The following DCBLD2 variants were observed in gnomAD, a reference collection of about 807,000 sequenced individuals.
DCBLD2 encodes the protein discoidin, CUB and LCCL domain containing 2.
In DCBLD2, 54 loss-of-function variants were observed where a neutral mutation model predicts 86.8. The ratio of observed to expected loss-of-function variants is 0.62; its 90% CI spans 0.50 to 0.78. DCBLD2 has a LOEUF of 0.78. DCBLD2 is among the 30% of genes least tolerant of loss of function. The probability of loss-of-function intolerance (pLI) is 0.00; values close to 1 mark genes in which losing one functional copy is unlikely to be tolerated. For missense variants in DCBLD2, 908 were observed against 954.2 expected (o/e 0.95, Z 0.64); for synonymous variants, 354 against 341.3 (o/e 1.04, Z -0.41).
chr3:98,868,738 A>G (rs1164045272), intron 2 of DCBLD2, among the ~76,000 whole-genome samples: 1 of 152,190 alleles, frequency 6.6e-6, no homozygotes, highest in East Asian at 1.9e-4. Flanking sequence ...TTTACTTAGG[A>G]TAATGATCCC....
chr3:98,800,631 A>C lies in DCBLD2; in HGVS notation c.1806T>G (p.Val602=), dbSNP rs1287442343. 6.2e-7 allele frequency: 1 copy of C among 1,613,864 alleles called. No homozygotes were observed. Among genetic ancestry groups the C allele is most frequent in the Non-Finnish European group, 8.5e-7 (1 of 1,179,882 alleles). The part of the protein sequence containing the change: ...ETPVRYSSSE[V]NHLSPREVTT... ...TGACTTCTCTTGGACTCAGGTGATT[A>C]ACTTCGCTGCTGCTATAGCGAACTG... Residue 602 remains valine, a synonymous_variant, in exon 15 of 16, where the codon GTT becomes GTG. Transcript: ENST00000326840.
chr3:98,805,463 T>C (rs1941819745), intron 13 of DCBLD2, among the ~76,000 whole-genome samples: 1 of 152,234 alleles, frequency 6.6e-6, no homozygotes, highest in Non-Finnish European at 1.5e-5. Flanking sequence ...TAGGTTGTAC[T>C]ATAAAGGATT....
At chr3:98,838,741 C>T (rs1942539771) in intron 3 of DCBLD2, among the ~76,000 whole-genome samples, 2 of 152,250 alleles carry the variant, frequency 1.3e-5, no homozygotes, top group South Asian at 4.2e-4. Flanking sequence ...CGCCACTGCA[C>T]TCCAGCCTGG....
At chr3:98,802,610 T>G (rs929482590) in intron 13 of DCBLD2, among the ~76,000 whole-genome samples, 7 of 152,230 alleles carry the variant, frequency 4.6e-5, no homozygotes, top group Non-Finnish European at 8.8e-5. Flanking sequence ...TTTGGTGTTT[T>G]AGACATGAAG....
intron 2 of DCBLD2, among the ~76,000 whole-genome samples, chr3:98,855,900 A>T (rs1292996586): frequency 6.6e-6 from 1 of 152,210 alleles, no homozygotes; most frequent in East Asian, 1.9e-4. Context: ...CTATTTCTTA[A>T]TAAAACATCT....
intron 9 of DCBLD2, chr3:98,816,069 C>T (rs1942017318): frequency 6.7e-6 from 1 of 150,160 alleles, no homozygotes; most frequent in African/African-American, 2.4e-5. Flanking sequence ...TATAAAAAAG[C>T]CACATCAATC....
chr3:98,820,405 T>C, intron 6 of DCBLD2, 117 bp from the exon 7 acceptor site: 1 of 685,864 alleles, frequency 1.5e-6, no homozygotes, highest in Non-Finnish European at 2.2e-6. Flanking sequence ...CCAAGAAGAC[T>C]GTGTGGCTAA....
chr3:98,822,718 A>C lies in DCBLD2; in HGVS notation c.647T>G (p.Leu216Arg). The change falls in exon 5 of 16, where the codon CTG (leucine) becomes CGG (arginine). Residue 216 changes from leucine to arginine, a missense_variant. By Grantham distance (102) the Leu-to-Arg change is moderately radical (BLOSUM62 -2). Around this residue, in one of 3 missense-constraint regions of DCBLD2, gnomAD observed 8 missense variants for 19.8 expected, o/e 0.40. Coordinates refer to ENST00000326840, the MANE Select transcript of DCBLD2 (RefSeq NM_080927.4). ...EFSKYCPAGC[L>R]LPFAEISGTI... is the part of the protein sequence containing the mutation. ...TCCAGATATCTCAGCAAAAGGAAGC[A>C]GACAACCAGCTGGGCAGTACTTACT... 1 of 1,598,698 alleles carries C rather than the reference A, an allele frequency of 6.3e-7. No individual in the cohort carries two copies. The highest frequency in any genetic ancestry group is 1.1e-5 in the South Asian group (1 of 87,802).
intron 7 of DCBLD2, 108 bp downstream of exon 7, chr3:98,820,140 A>T: frequency 1.6e-6 from 1 of 621,788 alleles, no homozygotes; most frequent in Non-Finnish European, 2.4e-6. Flanking sequence ...TAGTGTTATT[A>T]AGACAACTAC....
rs34472032 is a variant in DCBLD2 at position 98,808,167 on chromosome 3, C to G, written c.1584G>C (p.Ala528=). The change falls in exon 13 of 16, where the codon GCG becomes GCC. Residue 528 remains alanine (A), a synonymous_variant. Coordinates refer to ENST00000326840, the MANE Select transcript of DCBLD2 (RefSeq NM_080927.4). ...TVTPNVTKDV[A]LAAVLVPVLV... ...GCACAGGGACAAGAACTGCAGCCAG[C>G]GCTACATCTGAAGTTACAAAGACAA... 2 of 1,596,708 alleles carry G rather than the reference C, an allele frequency of 1.3e-6. No homozygotes were observed. Among genetic ancestry groups the G allele is most frequent in the Non-Finnish European group, 1.7e-6 (2 of 1,171,980 alleles).
intron 2 of DCBLD2, among the ~76,000 whole-genome samples, chr3:98,863,204 G>A (rs1943078192): frequency 6.6e-6 from 1 of 152,032 alleles, no homozygotes; most frequent in East Asian, 1.9e-4. Flanking sequence ...ACAAACCACT[G>A]CTCAACAAAA....
chr3:98,861,534 C>A (rs1428623162), intron 2 of DCBLD2, among the ~76,000 whole-genome samples: 2 of 152,210 alleles, frequency 1.3e-5, no homozygotes, highest in Non-Finnish European at 2.9e-5. Flanking sequence ...GTCTCTCAGA[C>A]CACAGTGCAA....
At chr3:98,815,337 G>A (rs1044128922) in intron 9 of DCBLD2, 1 of 152,190 alleles carries the variant, frequency 6.6e-6, no homozygotes, top group African/African-American at 2.4e-5. Context: ...GAACAGTATT[G>A]TCTCAGTGGG....
intron 3 of DCBLD2, among the ~76,000 whole-genome samples, chr3:98,834,118 A>C (rs1401983454): frequency 3.0e-5 from 4 of 132,546 alleles, no homozygotes; most frequent in African/African-American, 1.1e-4. Flanking sequence ...GCTTTTTTCC[A>C]TTCTCTGTGA....
rs751697832 is a variant in DCBLD2 at position 98,796,577 on chromosome 3, G to A, written c.*2795C>T. 6.6e-6 allele frequency: 1 copy of A among 152,580 alleles called. No homozygotes were observed. Among genetic ancestry groups the A allele is most frequent in the Non-Finnish European group, 1.5e-5 (1 of 68,036 alleles). 9.5% of individuals were successfully genotyped at this position (152,580 alleles called of 1,614,324 possible). A position where few individuals can be genotyped will look rare whatever the true frequency, so the allele number is the denominator to read the frequency against. ...GATGGGGAGAGGCAAGTGTGTATGT[G>A]TTGTCATACTTACTGCATTAATTCT... is the stretch of plus-strand genomic sequence containing the variant. On this transcript the variant is annotated 3_prime_UTR_variant, in exon 16 of 16. Coordinates refer to ENST00000326840, the MANE Select transcript of DCBLD2 (RefSeq NM_080927.4).
intron 2 of DCBLD2, among the ~76,000 whole-genome samples, chr3:98,868,348 T>C (rs1484106683): frequency 6.6e-6 from 1 of 152,232 alleles, no homozygotes; most frequent in East Asian, 1.9e-4. Flanking sequence ...AGAGATGGGG[T>C]TGAAGAATAA....
chr3:98,855,573 A>G (rs1031684481), intron 2 of DCBLD2, among the ~76,000 whole-genome samples: 18 of 152,130 alleles, frequency 1.2e-4, no homozygotes, highest in Admixed American at 3.3e-4. Context: ...AAAAGTCAGG[A>G]AAAAAATGTA....
At chr3:98,870,737 A>AAGAAAGAAAGAAAGAAAAG (rs60463776) in intron 2 of DCBLD2, among the ~76,000 whole-genome samples, 22 of 69,820 alleles carry the variant, frequency 3.2e-4, no homozygotes, top group African/African-American at 1.1e-3. Flanking sequence ...AAAAGAAAGA[A>AAGAAAGAAAGAAAGAAAAG]AAAGAAAGAA....
intron 10 of DCBLD2, among the ~76,000 whole-genome samples, chr3:98,812,060 A>G (rs1173213604): frequency 5.3e-5 from 8 of 152,220 alleles, no homozygotes; most frequent in African/African-American, 1.4e-4. Flanking sequence ...ATTTAAAATT[A>G]TTAGGATTGA....
Sources: gnomAD v4.1 joint callset for allele counts (sites outside exome capture counted in the v4.1 genomes callset) on GRCh38, gnomAD v4.1.1 for gene constraint, gnomAD v4.1.1 regional missense constraint, MANE v1.5 for transcripts, NCBI Gene and HGNC (gene_info 2026-07-23, HGNC 2026-07-21) for gene names.